EDIL3: variants seen among roughly 807,000 people sequenced by gnomAD.
The protein encoded by EDIL3 is EGF like and discoidin domains 3.
A neutral mutation model predicts 67.4 loss-of-function variants in EDIL3; 37 were observed. That is an observed-to-expected ratio of 0.55 (90% confidence interval 0.42 to 0.72). The LOEUF is 0.72. EDIL3 is among the 30% of genes least tolerant of loss of function. The pLI, the probability that EDIL3 is intolerant of heterozygous loss-of-function variation, is 0.00. For missense variants in EDIL3, 527 were observed against 586.3 expected (o/e 0.90, Z 1.04); for synonymous variants, 195 against 196.3 (o/e 0.99, Z 0.05).
chr5:84,056,011 G>T (rs949775687), intron 9 of EDIL3, among the ~76,000 whole-genome samples: 1 of 152,094 alleles, frequency 6.6e-6, no homozygotes, highest in Non-Finnish European at 1.5e-5. Context: ...ACATGCACAC[G>T]TATGTTTATT....
intron 9 of EDIL3, among the ~76,000 whole-genome samples, chr5:84,044,383 A>G (rs1439892068): frequency 1.3e-5 from 2 of 150,802 alleles, no homozygotes; most frequent in Non-Finnish European, 2.9e-5. Context: ...TTCAGCCCAG[A>G]ACCATTTTTT....
intron 7 of EDIL3, among the ~76,000 whole-genome samples, chr5:84,065,554 G>A (rs1746624465): frequency 8.0e-6 from 1 of 124,716 alleles, no homozygotes; most frequent in African/African-American, 3.9e-5. Context: ...CTGGTATAAT[G>A]CCTGATTAAA....
At chr5:84,363,114 A>C (rs1476707915) in intron 1 of EDIL3, among the ~76,000 whole-genome samples, 1 of 152,146 alleles carries the variant, frequency 6.6e-6, no homozygotes, top group African/African-American at 2.4e-5. Context: ...GTATAAATAT[A>C]TATTTACAGT....
chr5:84,365,391 C>CT (rs948241052), intron 1 of EDIL3, among the ~76,000 whole-genome samples: 9 of 152,062 alleles, frequency 5.9e-5, no homozygotes, highest in Admixed American at 5.2e-4. Flanking sequence ...AAAAATCTTC[C>CT]TTTTATACCA....
rs557588841 is a variant in EDIL3 at position 83,955,151 on chromosome 5, A to T, written c.1293+8054T>A. Among the ~76,000 whole-genome samples, 14 of 151,910 alleles carry T rather than the reference A, an allele frequency of 9.2e-5. No homozygotes were observed. In the East Asian group the frequency reaches 2.7e-3, roughly 30 times the overall value. ...ATATTGTCATTATGCAATTAGGTCT[A>T]TTAATAAATAAGTCACACACAAACA... is the stretch of plus-strand genomic sequence containing the variant. On this transcript the variant is annotated intron_variant, in intron 10 of 10. Transcript: ENST00000296591.
chr5:83,973,444 T>C (rs1199635612), intron 9 of EDIL3, among the ~76,000 whole-genome samples: 1 of 152,086 alleles, frequency 6.6e-6, no homozygotes, highest in Non-Finnish European at 1.5e-5. Flanking sequence ...TACTTTTAAG[T>C]AGGACCTGAA....
intron 9 of EDIL3, among the ~76,000 whole-genome samples, chr5:84,036,627 G>T (rs941254607): frequency 6.6e-6 from 1 of 152,128 alleles, no homozygotes; most frequent in African/African-American, 2.4e-5. Context: ...AAGAAGTCCC[G>T]CATTGAGCAT....
intron 4 of EDIL3, among the ~76,000 whole-genome samples, chr5:84,170,349 T>C (rs1748792171): frequency 6.6e-6 from 1 of 152,194 alleles, no homozygotes; most frequent in African/African-American, 2.4e-5. Flanking sequence ...CCCAAGAACA[T>C]AGTAAGACCC....
chr5:84,235,899 T>G (rs1354855360), intron 2 of EDIL3, among the ~76,000 whole-genome samples: 1 of 152,018 alleles, frequency 6.6e-6, no homozygotes, highest in African/African-American at 2.4e-5. Context: ...CTAAAGACCA[T>G]TAGATTATCT....
intron 9 of EDIL3, among the ~76,000 whole-genome samples, chr5:83,994,828 G>A (rs1029368614): frequency 1.6e-4 from 25 of 152,096 alleles, no homozygotes; most frequent in African/African-American, 5.8e-4. Context: ...AGATAAATTA[G>A]AAAATATCAT....
chr5:84,249,809 G>T (rs1561234891), intron 2 of EDIL3, among the ~76,000 whole-genome samples: 1 of 152,014 alleles, frequency 6.6e-6, no homozygotes, highest in African/African-American at 2.4e-5. Flanking sequence ...AATATATACT[G>T]ATAGGCTGGG....
At position 84,066,445 on chromosome 5, in the gene EDIL3, T is replaced by C; in HGVS notation, c.807+6A>G. On this transcript the variant is annotated splice_donor_region_variant and intron_variant, in intron 7 of 10. Coordinates refer to ENST00000296591, the MANE Select transcript of EDIL3 (RefSeq NM_005711.5). ...TTTTAAATTAAGTAGGTTAAATTAT[T>C]CTTACCATGTCTTCATTGGTGCCTT... The C allele has an allele frequency of 6.3e-7, 1 of 1,587,376 alleles. No homozygotes were observed. The highest frequency in any genetic ancestry group is 8.5e-7 in the Non-Finnish European group (1 of 1,172,760).
intron 5 of EDIL3, among the ~76,000 whole-genome samples, chr5:84,120,700 A>G (rs529231867): frequency 6.6e-6 from 1 of 152,130 alleles, no homozygotes; most frequent in South Asian, 2.1e-4. Flanking sequence ...CAGCATTTTG[A>G]AAGTGTATCA....
chr5:84,157,582 A>G (rs1254129909), intron 4 of EDIL3, among the ~76,000 whole-genome samples: 1 of 152,050 alleles, frequency 6.6e-6, no homozygotes, highest in Non-Finnish European at 1.5e-5. Context: ...TAACTTATAA[A>G]ATGATAAAGT....
intron 3 of EDIL3, among the ~76,000 whole-genome samples, chr5:84,212,320 T>A (rs1755549205): frequency 6.6e-6 from 1 of 152,184 alleles, no homozygotes; most frequent in Non-Finnish European, 1.5e-5. Context: ...TGAGTCCAGT[T>A]GAGAATGAGT....
chr5:84,182,164 C>T (rs369406894), intron 3 of EDIL3, among the ~76,000 whole-genome samples: 4 of 151,938 alleles, frequency 2.6e-5, no homozygotes, highest in South Asian at 4.2e-4. Flanking sequence ...AGGTGGTGCA[C>T]GCCTGTAATC....
intron 2 of EDIL3, among the ~76,000 whole-genome samples, 164 bp from the exon 3 acceptor site, chr5:84,230,048 C>T (rs1220729612): frequency 6.6e-6 from 1 of 152,088 alleles, no homozygotes; most frequent in Non-Finnish European, 1.5e-5. Context: ...TTTGTGTATA[C>T]ATTAGAAAAT....
At chr5:84,046,860 T>A (rs1324087273) in intron 9 of EDIL3, among the ~76,000 whole-genome samples, 1 of 152,206 alleles carries the variant, frequency 6.6e-6, no homozygotes, top group East Asian at 1.9e-4. Context: ...GAAATTCTTT[T>A]AATTTCTGTC....
chr5:84,138,722 C>T (rs1241746641), intron 4 of EDIL3, among the ~76,000 whole-genome samples: 1 of 152,008 alleles, frequency 6.6e-6, no homozygotes, highest in African/African-American at 2.4e-5. Flanking sequence ...ACTTCTCATT[C>T]TAAGTTCACT....
Sources: gnomAD v4.1 joint callset for allele counts (sites outside exome capture counted in the v4.1 genomes callset) on GRCh38, gnomAD v4.1.1 for gene constraint, MANE v1.5 for transcripts, NCBI Gene and HGNC (gene_info 2026-07-23, HGNC 2026-07-21) for gene names.